Variants in RPUSD3 observed in about 807,000 individuals in gnomAD.
The protein encoded by RPUSD3 is mitochondrial mRNA pseudouridine synthase RPUSD3.
A neutral mutation model predicts 35.1 loss-of-function variants in RPUSD3; 36 were observed. The ratio of observed to expected loss-of-function variants is 1.02; its 90% CI spans 0.79 to 1.35. RPUSD3 has a LOEUF of 1.35. Among genes scored for constraint, RPUSD3 ranks in the 40% most tolerant of loss-of-function variants. The pLI, the probability that RPUSD3 is intolerant of heterozygous loss-of-function variation, is 0.00. For synonymous variants in RPUSD3, 202 were observed against 187.8 expected, an observed-to-expected ratio of 1.08 and a Z score of -0.62; for missense variants, 486 against 441.9, an observed-to-expected ratio of 1.10 and a Z score of -0.89.
At chr3:9,843,745 C>A (rs534262476) in intron 1 of RPUSD3, 144 bp from the exon 2 acceptor site, 3 of 1,539,646 alleles carry the variant, frequency 1.9e-6, no homozygotes, top group Non-Finnish European at 2.6e-6. Flanking sequence ...CAGGTACGAC[C>A]GGTCCCATTC....
chr3:9,843,342 C>T, intron 2 of RPUSD3, 123 bp downstream of exon 2: 1 of 1,447,094 alleles, frequency 6.9e-7, no homozygotes, highest in Non-Finnish European at 9.4e-7. Flanking sequence ...GTGGCTTGTC[C>T]CAGCTCATGC....
chr3:9,842,250 C>T lies in RPUSD3; in HGVS notation c.263-7G>A. The T allele has an allele frequency of 6.2e-7, 1 of 1,614,150 alleles. No homozygotes were observed. Among genetic ancestry groups the T allele is most frequent in the Non-Finnish European group, 8.5e-7 (1 of 1,180,008 alleles). ...TTCAACGTCACTAGAGGTCCTGAAACATACATCACACGAACATCAGCAAAA... is the reference window on the plus strand; with the variant it reads ...TTCAACGTCACTAGAGGTCCTGAAATATACATCACACGAACATCAGCAAAA... On this transcript the variant is annotated splice_region_variant and splice_polypyrimidine_tract_variant and intron_variant, in intron 2 of 8. Transcript: ENST00000383820.
chr3:9,843,063 TG>T (rs1184065396), intron 2 of RPUSD3: 3 of 173,556 alleles, frequency 1.7e-5, no homozygotes, highest in African/African-American at 7.1e-5. Flanking sequence ...GGCTAATTTT[TG>T]TGTTTTTAGT....
chr3:9,841,933 C>T (rs1297840164), intron 4 of RPUSD3, 50 bp downstream of exon 4: 2 of 1,492,860 alleles, frequency 1.3e-6, no homozygotes, highest in East Asian at 2.3e-5. Flanking sequence ...TGTTTCCCCA[C>T]CACAGATGGA....
Position 9,842,392 on chromosome 3 carries a change from A to T in RPUSD3, c.263-149T>A, listed in dbSNP as rs1362451118. The T allele has an allele frequency of 3.9e-6, 3 of 763,318 alleles. No individual in the cohort carries two copies. In the East Asian group the frequency reaches 7.8e-5, roughly 20 times the overall value. 47.3% of individuals were successfully genotyped at this position (763,318 alleles called of 1,614,324 possible). ...AGTTAACTACCCCACACCAAATTCAACTTCTTTCTGTTCCTCTGCCACCTC... is the reference window on the plus strand; with the variant it reads ...AGTTAACTACCCCACACCAAATTCATCTTCTTTCTGTTCCTCTGCCACCTC... On this transcript the variant is annotated intron_variant, in intron 2 of 8. Transcript: ENST00000383820.
rs1283619272 is a variant in RPUSD3 at position 9,842,180 on chromosome 3, C to T, written c.307+19G>A. On this transcript the variant is annotated intron_variant, in intron 3 of 8. Coordinates refer to ENST00000383820, the Ensembl canonical transcript of RPUSD3. ...AACCCCCTTCCGCTGCATTCCCTTCCCACATCCCCGGCCCATACCTGTCAC... is the reference window on the plus strand; with the variant it reads ...AACCCCCTTCCGCTGCATTCCCTTCTCACATCCCCGGCCCATACCTGTCAC... 1.9e-6 allele frequency: 3 copies of T among 1,614,054 alleles called. No individual in the cohort carries two copies. Among genetic ancestry groups the T allele is most frequent in the East Asian group, 2.2e-5 (1 of 44,900 alleles).
chr3:9,841,813 T>C, intron 4 of RPUSD3, 170 bp downstream of exon 4: 1 of 609,726 alleles, frequency 1.6e-6, no homozygotes, highest in Non-Finnish European at 2.9e-6. Flanking sequence ...CATTTGTACT[T>C]GAGGATTTGA....
chr3:9,838,209 T>C lies in RPUSD3; in HGVS notation c.865-2A>G. On this transcript the variant is annotated splice_acceptor_variant, in intron 8 of 8. Coordinates refer to ENST00000383820, the Ensembl canonical transcript of RPUSD3. LOFTEE classifies it high-confidence loss of function. ...TCTGAGGAGGGCTTCATCCAGGACCTGGAGCGGGAGAGGTACGTTGTGTTC... is the reference window on the plus strand; with the variant it reads ...TCTGAGGAGGGCTTCATCCAGGACCCGGAGCGGGAGAGGTACGTTGTGTTC... 1 of 1,611,880 alleles carries C rather than the reference T, an allele frequency of 6.2e-7. No individual in the cohort carries two copies. The highest frequency in any genetic ancestry group is 8.5e-7 in the Non-Finnish European group (1 of 1,179,788).
exon 4 of RPUSD3, chr3:9,842,076 G>T: frequency 6.2e-7 from 1 of 1,609,906 alleles, no homozygotes; most frequent in Non-Finnish European, 8.5e-7. Flanking sequence ...CAGCTCTCCT[G>T]GTTTTCCTGG....
exon 4 of RPUSD3, chr3:9,842,003 C>G (rs148780857): frequency 1.9e-6 from 3 of 1,613,952 alleles, no homozygotes; most frequent in South Asian, 1.1e-5. Context: ...CTCGGACAAC[C>G]TGAAGCTCCT....
intron 4 of RPUSD3, 129 bp downstream of exon 4, chr3:9,841,854 A>C: frequency 1.3e-6 from 1 of 765,926 alleles, no homozygotes; most frequent in Non-Finnish European, 2.2e-6. Flanking sequence ...TCTTCTTCAC[A>C]GTACTTGTAT....
intron 2 of RPUSD3, chr3:9,842,518 A>T: frequency 1.9e-6 from 1 of 533,356 alleles, no homozygotes; most frequent in Non-Finnish European, 3.4e-6. Context: ...TGAATCTCCA[A>T]TCTAATGTCT....
intron 7 of RPUSD3, chr3:9,839,652 A>G (rs2082074089): frequency 6.5e-6 from 1 of 154,834 alleles, no homozygotes; most frequent in Non-Finnish European, 1.4e-5. Flanking sequence ...ATCTTCGCTC[A>G]CTGCAACCTC....
intron 4 of RPUSD3, 113 bp downstream of exon 4, chr3:9,841,870 T>G: frequency 1.2e-6 from 1 of 863,070 alleles, no homozygotes. Context: ...TGTATCCACC[T>G]CTATGATCTC....
intron 4 of RPUSD3, chr3:9,841,039 C>T (rs2082096126): frequency 8.7e-6 from 3 of 346,706 alleles, no homozygotes; most frequent in African/African-American, 4.2e-5. Context: ...AATGTCGTAA[C>T]GATTGTCTAC....
intron 1 of RPUSD3, 56 bp from the exon 2 acceptor site, chr3:9,843,657 C>T (rs1333740388): frequency 3.1e-6 from 5 of 1,593,752 alleles, no homozygotes; most frequent in Non-Finnish European, 4.3e-6. Flanking sequence ...GCCACCCATT[C>T]CTATCTCCGG....
At chr3:9,839,886 GT>G (rs113216240) in intron 7 of RPUSD3, 5,221 of 189,702 alleles carry the variant, frequency 0.028, 13 homozygotes, top group South Asian at 0.044. Flanking sequence ...CTCAAGTGCA[GT>G]TTTTTTTTTT....
chr3:9,842,211 G>C, exon 3 of RPUSD3: 1 of 1,614,122 alleles, frequency 6.2e-7, no homozygotes, highest in African/African-American at 1.3e-5. Context: ...GTCACTGGTA[G>C]ACCCTGTGGC....
chr3:9,841,228 G>A (rs17050601), intron 4 of RPUSD3: 3,829 of 163,914 alleles, frequency 0.023, 157 homozygotes, highest in African/African-American at 0.087. Flanking sequence ...CACGAGTACC[G>A]TCATGGAGAA....
Sources: gnomAD v4.1 joint callset for allele counts on GRCh38, gnomAD v4.1.1 for gene constraint, MANE v1.5 for transcripts, NCBI Gene and HGNC (gene_info 2026-07-23, HGNC 2026-07-21) for gene names.